Variants in ANO10 observed in about 807,000 individuals in gnomAD.
ANO10 encodes anoctamin 10.
A neutral mutation model predicts 74.7 loss-of-function variants in ANO10; 77 were observed. The ratio of observed to expected loss-of-function variants is 1.03; its 90% CI spans 0.86 to 1.25. The LOEUF is 1.25. Ranked by LOEUF, ANO10 falls within the 50% of genes most tolerant of loss-of-function variation. The pLI is 0.00. For synonymous variants in ANO10, 279 were observed against 284.9 expected, an observed-to-expected ratio of 0.98 and a Z score of 0.21; for missense variants, 721 against 778.1, an observed-to-expected ratio of 0.93 and a Z score of 0.87.
At chr3:43,525,189 CTGTGTCCTCTCT>C (rs1279632249) in intron 11 of ANO10, among the ~76,000 whole-genome samples, 2 of 152,152 alleles carry the variant, frequency 1.3e-5, no homozygotes, top group Non-Finnish European at 2.9e-5. Context: ...CATCTGGCCT[CTGTGTCCTCTCT>C]AGCCTCACCT....
At chr3:43,466,384 A>C (rs200582593) in intron 11 of ANO10, among the ~76,000 whole-genome samples, 6,157 of 38,044 alleles carry the variant, frequency 0.16, 163 homozygotes, top group Middle Eastern at 0.43. Context: ...AAAAAAAAAA[A>C]AAACAAACAA....
In ANO10 at chr3:43,561,216, T is replaced by G. The variant is rs776097776; in HGVS notation, c.1476+4A>C. ...ATGTTTAATTCAGCAATATTCCAAC[T>G]TACCAAATAAGTTCCCATTTCTTTT... On this transcript the variant is annotated splice_donor_region_variant and intron_variant, in intron 9 of 12. Coordinates refer to ENST00000292246, the MANE Select transcript of ANO10 (RefSeq NM_018075.5). 15 of 1,614,096 alleles carry G rather than the reference T, an allele frequency of 9.3e-6. No homozygotes were observed. Among genetic ancestry groups the G allele is most frequent in the Non-Finnish European group, 1.3e-5 (15 of 1,179,930 alleles).
chr3:43,367,206 A>T (rs1229645526), intron 12 of ANO10, among the ~76,000 whole-genome samples: 3 of 152,290 alleles, frequency 2.0e-5, no homozygotes, highest in Admixed American at 6.5e-5. Context: ...AGGGATTTTA[A>T]GGACACTGAA....
At chr3:43,561,614 G>T (rs914178943) in intron 8 of ANO10, among the ~76,000 whole-genome samples, 2 of 152,032 alleles carry the variant, frequency 1.3e-5, no homozygotes, top group African/African-American at 4.8e-5. Flanking sequence ...CTAATTTATG[G>T]TTTTTCACAT....
intron 8 of ANO10, among the ~76,000 whole-genome samples, chr3:43,561,842 T>C (rs574643070): frequency 1.3e-5 from 2 of 152,110 alleles, no homozygotes; most frequent in Non-Finnish European, 2.9e-5. Flanking sequence ...TCTACAACTT[T>C]AAAAAAAGAA....
rs112037100 is a variant in ANO10, at chr3:43,652,424, C to T, written c.-12+39093G>A. 9.2e-3 allele frequency among the ~76,000 whole-genome samples: 1,397 copies of T among 152,316 alleles called. 26 individuals carry two copies. The highest frequency in any genetic ancestry group is 0.031 in the African/African-American group (1,294 of 41,560). On this transcript the variant is annotated intron_variant, in intron 1 of 3. Coordinates refer to the ANO10 transcript ENST00000413397. ...ATGAGAGAAAGAACAGTCTTTTCAA[C>T]AAACAGTGCTCAGACAACTGAATGT...
At position 43,684,701 on chromosome 3, in the gene ANO10, A is replaced by G. The variant is rs561688050; in HGVS notation, c.-12+6816T>C. The stretch of plus-strand genomic sequence containing the variant: ...CAACCCAAATGTTCAACAATGATAG[A>G]CTGGATTAAGAAAATGTGGCACATA... On this transcript the variant is annotated intron_variant, in intron 1 of 3. Transcript: ENST00000413397. Among the ~76,000 whole-genome samples, 100 of 152,322 alleles carry G rather than the reference A, an allele frequency of 6.6e-4. 2 individuals carry two copies. Among genetic ancestry groups the G allele is most frequent in the African/African-American group, 2.3e-3 (97 of 41,570 alleles).
intron 11 of ANO10, among the ~76,000 whole-genome samples, chr3:43,504,024 G>A (rs1176190925): frequency 7.9e-5 from 12 of 152,188 alleles, no homozygotes; most frequent in Admixed American, 2.6e-4. Flanking sequence ...AGCATTTTGG[G>A]AGGCTGAGGC....
Position 43,433,815 on chromosome 3 carries a change from T to C in ANO10, c.1798-1088A>G, listed in dbSNP as rs1435679917. Among the ~76,000 whole-genome samples the C allele has an allele frequency of 2.6e-5, 4 of 152,282 alleles. No homozygotes were observed. In the East Asian group the frequency reaches 7.7e-4, roughly 29 times the overall value. On this transcript the variant is annotated intron_variant, in intron 11 of 12. Coordinates refer to ENST00000292246, the MANE Select transcript of ANO10 (RefSeq NM_018075.5). The stretch of plus-strand genomic sequence containing the variant: ...GAATCAACACCCACAGAAATCTAAG[T>C]GATCAAAGGATAAAGCTGCCTCTGT...
At chr3:43,496,825 A>C (rs966394827) in intron 11 of ANO10, among the ~76,000 whole-genome samples, 3 of 151,946 alleles carry the variant, frequency 2.0e-5, no homozygotes, top group Non-Finnish European at 4.4e-5. Flanking sequence ...CCAAACCAAA[A>C]TTCAAATCCT....
intron 1 of ANO10, among the ~76,000 whole-genome samples, chr3:43,670,372 A>T (rs1378506841): frequency 6.6e-6 from 1 of 151,766 alleles, no homozygotes; most frequent in Non-Finnish European, 1.5e-5. Context: ...AAATCTGGAG[A>T]TCATTTCTAA....
intron 1 of ANO10, among the ~76,000 whole-genome samples, chr3:43,631,703 C>A (rs1352296911): frequency 6.6e-6 from 1 of 150,766 alleles, no homozygotes; most frequent in African/African-American, 2.4e-5. Flanking sequence ...ACCCAACTTA[C>A]CTCAATGAAT....
At chr3:43,583,181 T>C (rs567120876) in intron 4 of ANO10, among the ~76,000 whole-genome samples, 25 of 152,000 alleles carry the variant, frequency 1.6e-4, no homozygotes, top group Non-Finnish European at 3.7e-4. Flanking sequence ...CTTCTCTTCA[T>C]CAGTGCCAAA....
At chr3:43,555,745 G>A (rs567557321) in intron 9 of ANO10, among the ~76,000 whole-genome samples, 9 of 152,062 alleles carry the variant, frequency 5.9e-5, no homozygotes, top group East Asian at 1.9e-4. Flanking sequence ...TATTATTATC[G>A]CATCTCTGAA....
intron 12 of ANO10, among the ~76,000 whole-genome samples, chr3:43,430,817 A>G (rs2092969132): frequency 6.6e-6 from 1 of 152,052 alleles, no homozygotes; most frequent in African/African-American, 2.4e-5. Context: ...GATATTTACA[A>G]GATTGAATCT....
chr3:43,409,865 G>A (rs1259297005), intron 12 of ANO10, among the ~76,000 whole-genome samples: 1 of 152,122 alleles, frequency 6.6e-6, no homozygotes, highest in Non-Finnish European at 1.5e-5. Context: ...CTACGCAAGC[G>A]TTTTAAGGGG....
rs61084802 is a variant in ANO10 at position 43,614,771 on chromosome 3, CTATATA to C, written c.-12+7132_-12+7137del. On this transcript the variant is annotated intron_variant, in intron 1 of 12. Coordinates refer to ENST00000292246, the MANE Select transcript of ANO10 (RefSeq NM_018075.5). ...CCCAAATTCTTAGAAGAAAACTAAACTATATATATATATATATATATATATATATAT... is the reference window on the plus strand; with the variant it reads ...CCCAAATTCTTAGAAGAAAACTAAACTATATATATATATATATATATATAT... Among the ~76,000 whole-genome samples the C allele has an allele frequency of 1.4e-3, 76 of 52,696 alleles. 1 individual carries two copies. The highest frequency in any genetic ancestry group is 5.3e-3 in the Admixed American group (25 of 4,730). 34.6% of individuals were successfully genotyped at this position (52,696 alleles called of 152,430 possible).
chr3:43,520,358 A>C (rs2149213239), intron 11 of ANO10, among the ~76,000 whole-genome samples: 3 of 152,320 alleles, frequency 2.0e-5, no homozygotes, highest in Middle Eastern at 6.8e-3. Context: ...TCCAAGATTA[A>C]GGTGCTGGCA....
chr3:43,588,901 T>C (rs1259403935), intron 4 of ANO10, among the ~76,000 whole-genome samples: 2 of 152,138 alleles, frequency 1.3e-5, no homozygotes, highest in East Asian at 3.8e-4. Flanking sequence ...GGCAGGAACA[T>C]AATGAAATTC....
Sources: gnomAD v4.1 joint callset for allele counts (sites outside exome capture counted in the v4.1 genomes callset) on GRCh38, gnomAD v4.1.1 for gene constraint, MANE v1.5 for transcripts, NCBI Gene and HGNC (gene_info 2026-07-23, HGNC 2026-07-21) for gene names.